Variants in PUDP observed in about 807,000 individuals in gnomAD.
PUDP encodes pseudouridine-5'-phosphatase.
Under a neutral mutation model 9.4 loss-of-function variants are expected in PUDP, and 8 were observed. That is an observed-to-expected ratio of 0.85 (90% CI 0.50 to 1.53). PUDP has a LOEUF of 1.53. Ranked by LOEUF, PUDP falls within the 40% of genes most tolerant of loss-of-function variation. The pLI is 0.00. For synonymous variants in PUDP, 99 were observed against 80.7 expected (o/e 1.23, Z -1.22); for missense variants, 188 against 189.7 (o/e 0.99, Z 0.05).
chrX:6,902,291 G>A (rs1167073070), intron 3 of PUDP, among the ~76,000 whole-genome samples: 2 of 112,006 alleles, frequency 1.8e-5, no homozygotes, highest in East Asian at 2.8e-4. Context: ...GCCAGTCTGT[G>A]TTCCCAATTC....
intron 3 of PUDP, among the ~76,000 whole-genome samples, chrX:6,884,639 C>G (rs1266493995): frequency 1.8e-5 from 2 of 111,664 alleles, no homozygotes; most frequent in African/African-American, 6.5e-5. Context: ...CTATTCAATA[C>G]TATTGCCTGC....
intron 3 of PUDP, among the ~76,000 whole-genome samples, chrX:6,792,025 G>T (rs1925757704): frequency 8.9e-6 from 1 of 111,828 alleles, no homozygotes; most frequent in Admixed American, 9.5e-5. Context: ...TAGGTGGCCA[G>T]TGTTGTGCAC....
At chrX:6,947,970 C>T (rs755827225) in intron 3 of PUDP, among the ~76,000 whole-genome samples, 1 of 111,317 alleles carries the variant, frequency 9.0e-6, no homozygotes, top group Non-Finnish European at 1.9e-5. Context: ...ACAATATTGT[C>T]CTTTGGGCTT....
chrX:6,760,869 C>T (rs1016411168), intron 3 of PUDP, among the ~76,000 whole-genome samples: 1 of 112,136 alleles, frequency 8.9e-6, no homozygotes, highest in Non-Finnish European at 1.9e-5. Flanking sequence ...GACTTACATA[C>T]ATTTTAATGG....
intron 3 of PUDP, among the ~76,000 whole-genome samples, chrX:6,782,091 T>A (rs1308931150): frequency 8.9e-6 from 1 of 111,840 alleles, no homozygotes; most frequent in Non-Finnish European, 1.9e-5. Context: ...TTTAGGCTCA[T>A]GGGCTTAAAT....
chrX:6,758,433 A>AGCCT (rs1333123467), intron 3 of PUDP, among the ~76,000 whole-genome samples: 3 of 111,980 alleles, frequency 2.7e-5, no homozygotes, highest in Non-Finnish European at 5.6e-5. Flanking sequence ...ACTGCACTCC[A>AGCCT]GCCTAGGTGA....
intron 2 of PUDP, among the ~76,000 whole-genome samples, chrX:7,078,546 G>A (rs1930985786): frequency 8.9e-6 from 1 of 112,232 alleles, no homozygotes; most frequent in South Asian, 3.6e-4. Flanking sequence ...GCCTGCCTCA[G>A]CCTCTCAAAG....
At chrX:6,931,757 T>G (rs1450651078) in intron 3 of PUDP, among the ~76,000 whole-genome samples, 4 of 111,263 alleles carry the variant, frequency 3.6e-5, no homozygotes, top group Non-Finnish European at 7.5e-5. Context: ...ACATCCAGAC[T>G]GCAGTACCGG....
At chrX:7,057,766 G>C in intron 3 of PUDP, 4 of 1,154,975 alleles carry the variant, frequency 3.5e-6, no homozygotes, top group Non-Finnish European at 4.6e-6. Flanking sequence ...GCTGAGAAGG[G>C]ATCCCGGCAG....
intron 3 of PUDP, among the ~76,000 whole-genome samples, chrX:6,829,983 C>T (rs1024921948): frequency 9.1e-6 from 1 of 110,259 alleles, no homozygotes; most frequent in African/African-American, 3.3e-5. Context: ...GAAAAATAAT[C>T]TAGTAATGGG....
chrX:6,897,908 T>C (rs1478504067), intron 3 of PUDP, among the ~76,000 whole-genome samples: 1 of 111,623 alleles, frequency 9.0e-6, no homozygotes, highest in Non-Finnish European at 1.9e-5. Flanking sequence ...GAGCACAGCA[T>C]CTCCTCTGCA....
At chrX:6,970,384 G>A (rs1034354943) in intron 3 of PUDP, among the ~76,000 whole-genome samples, 2 of 111,748 alleles carry the variant, frequency 1.8e-5, no homozygotes, top group African/African-American at 3.3e-5. Context: ...TTCCTTTTGG[G>A]CATAAAAAAT....
chrX:6,706,884 C>T (rs997448588), intron 1 of PUDP, among the ~76,000 whole-genome samples: 2 of 111,225 alleles, frequency 1.8e-5, no homozygotes, highest in Non-Finnish European at 3.8e-5. Context: ...CATTTACAGC[C>T]CCTAAAAAGT....
chrX:6,883,580 C>T (rs1187775743), intron 3 of PUDP, among the ~76,000 whole-genome samples: 3 of 108,041 alleles, frequency 2.8e-5, no homozygotes, highest in Non-Finnish European at 5.7e-5. Context: ...GTAACAAATT[C>T]GTCTCATTGA....
At chrX:6,777,835 C>T (rs1489448314) in intron 3 of PUDP, among the ~76,000 whole-genome samples, 1 of 111,866 alleles carries the variant, frequency 8.9e-6, no homozygotes, top group Non-Finnish European at 1.9e-5. Flanking sequence ...TAAATAGAAA[C>T]TATGACACCT....
At chrX:6,816,882 C>T (rs867115811) in intron 3 of PUDP, among the ~76,000 whole-genome samples, 2 of 87,148 alleles carry the variant, frequency 2.3e-5, no homozygotes, top group African/African-American at 4.4e-5. Context: ...ATAGTATATA[C>T]AATATATATA....
At chrX:6,852,211 G>A (rs186120224) in intron 3 of PUDP, among the ~76,000 whole-genome samples, 19 of 112,311 alleles carry the variant, frequency 1.7e-4, no homozygotes, top group African/African-American at 6.1e-4. Flanking sequence ...CACAAGTCCA[G>A]CTCTCCCTGC....
At chrX:6,868,199 A>G (rs889814732) in intron 3 of PUDP, among the ~76,000 whole-genome samples, 1 of 111,750 alleles carries the variant, frequency 8.9e-6, no homozygotes, top group Admixed American at 9.5e-5. Context: ...AGTGTACTAG[A>G]AAAATAACAG....
At chrX:7,052,495 A>AC (rs1930130580) in intron 3 of PUDP, among the ~76,000 whole-genome samples, 3 of 112,051 alleles carry the variant, frequency 2.7e-5, no homozygotes, top group Admixed American at 9.4e-5. Flanking sequence ...GAAAACACTG[A>AC]AACACACACA....
Sources: allele counts gnomAD v4.1 joint callset (sites outside exome capture counted in the v4.1 genomes callset), GRCh38; gene constraint gnomAD v4.1.1; transcripts MANE v1.5; gene names NCBI Gene and HGNC (gene_info 2026-07-23, HGNC 2026-07-21).